The following EIF5A variants were observed in gnomAD, a reference collection of about 807,000 sequenced individuals.
The protein encoded by EIF5A is eukaryotic translation initiation factor 5A, also known as eukaryotic translation initiation factor 5A-1.
In EIF5A, 1 loss-of-function variant was observed where a neutral mutation model predicts 16.6. The observed-to-expected ratio is 0.06, with a 90% CI of 0.02 to 0.28. EIF5A has a LOEUF of 0.28. EIF5A is among the 10% of genes least tolerant of loss of function. The pLI is 1.00. For missense variants in EIF5A, 29 were observed against 196.1 expected (o/e 0.15, Z 5.09); for synonymous variants, 80 against 73.6 (o/e 1.09, Z -0.44).
Position 7,311,874 on chromosome 17 carries a change from G to A in EIF5A, c.*64G>A, listed in dbSNP as rs534047604. 2,658 of 650,526 alleles carry A rather than the reference G, an allele frequency of 4.1e-3. 10 individuals carry two copies. Among genetic ancestry groups the A allele is most frequent in the Non-Finnish European group, 5.6e-3 (2,085 of 370,238 alleles). The allele number at this position is 650,526 out of a possible 1,614,324, so 40.3% of individuals were successfully genotyped here. ...CTGAACCTGCAGAGGCCCCCTCCCC[G>A]AGCCTGGCCTGGCTCTGGCCCGGTC... is the stretch of plus-strand genomic sequence containing the variant. On this transcript the variant is annotated 3_prime_UTR_variant, in exon 6 of 6. Transcript: ENST00000336458.
At chr17:7,310,546 GCTTC>G (rs769266135) in intron 2 of EIF5A, 108 of 1,092,774 alleles carry the variant, frequency 9.9e-5, no homozygotes, top group South Asian at 6.2e-4. Context: ...TGCTCTTCTG[GCTTC>G]CTTATTTTCT....
intron 1 of EIF5A, 82 bp from the exon 2 acceptor site, chr17:7,309,533 A>T: frequency 6.4e-7 from 1 of 1,560,654 alleles, no homozygotes; most frequent in Non-Finnish European, 8.7e-7. Context: ...AGTTGGGAAA[A>T]TGTTTCTGGA....
intron 1 of EIF5A, chr17:7,308,149 G>T (rs1171386847): frequency 2.2e-6 from 2 of 900,242 alleles, no homozygotes; most frequent in South Asian, 3.3e-5. Flanking sequence ...AGGGCATGAT[G>T]GGGGGGGTTG....
intron 1 of EIF5A, chr17:7,308,300 G>A: frequency 8.7e-7 from 1 of 1,143,094 alleles, no homozygotes. Flanking sequence ...GTGGACCGGG[G>A]CCGCATGGCA....
upstream of EIF5A, chr17:7,307,627 C>A: frequency 9.7e-7 from 1 of 1,027,362 alleles, no homozygotes; most frequent in Non-Finnish European, 1.2e-6. Context: ...TCGGCGCCTG[C>A]GTACTAAGAC....
chr17:7,310,795 C>G (rs535913161), intron 2 of EIF5A: 1 of 985,390 alleles, frequency 1.0e-6, no homozygotes, highest in South Asian at 4.7e-5. Flanking sequence ...ATGCAGTTTT[C>G]TATTGTGCTG....
Position 7,308,451 on chromosome 17 carries a change from C to T in EIF5A, c.-22+699C>T, listed in dbSNP as rs369431284. The stretch of plus-strand genomic sequence containing the variant: ...GGCCTGAGATTTTGAGGAGTGGAAG[C>T]CGGAGGCTCGGGTCCTAATCACCCC... On this transcript the variant is annotated intron_variant, in intron 1 of 5. Coordinates refer to ENST00000336458, the MANE Select transcript of EIF5A (RefSeq NM_001970.5). 154 of 1,335,774 alleles carry T rather than the reference C, an allele frequency of 1.2e-4. No individual in the cohort carries two copies. The African/African-American group carries it at 1.7e-3, about 15-fold the overall frequency. 82.7% of individuals were successfully genotyped at this position (1,335,774 alleles called of 1,614,324 possible).
upstream of EIF5A, chr17:7,307,153 G>A: frequency 1.3e-6 from 2 of 1,552,032 alleles, no homozygotes; most frequent in South Asian, 1.2e-5. Context: ...GAGGTGGGGC[G>A]TATCCTGAGA....
chr17:7,307,787 T>G, intron 1 of EIF5A, 35 bp downstream of exon 1: 1 of 973,060 alleles, frequency 1.0e-6, no homozygotes, highest in Non-Finnish European at 1.2e-6. Context: ...CGCGGTACCT[T>G]GGCTTGGGCC....
chr17:7,309,126 GGATGGGGGGGGGCAGTGTAACA>G (rs761190290), intron 1 of EIF5A, among the ~76,000 whole-genome samples: 29 of 150,370 alleles, frequency 1.9e-4, no homozygotes, highest in East Asian at 1.9e-4. Context: ...GTTTGTGTGT[GGATGGGGGGGGGCAGTGTAACA>G]GATGGGTGGG....
At chr17:7,309,846 T>C in intron 2 of EIF5A, 46 bp downstream of exon 2, 1 of 1,614,094 alleles carries the variant, frequency 6.2e-7, no homozygotes. Context: ...GCCTCCAGTA[T>C]CTTTGGCGCT....
chr17:7,307,799 G>A, intron 1 of EIF5A, 47 bp downstream of exon 1: 1 of 990,900 alleles, frequency 1.0e-6, no homozygotes, highest in Non-Finnish European at 1.2e-6. Context: ...GCTTGGGCCC[G>A]GGAGAAGATG....
At chr17:7,307,018 A>G, upstream of EIF5A, 1 of 1,568,420 alleles carries the variant, frequency 6.4e-7, no homozygotes, top group East Asian at 2.3e-5. Flanking sequence ...GCGCGCTAGA[A>G]GAGTGGGGCG....
chr17:7,312,304 GGGAGGGAAGA>G lies in EIF5A; in HGVS notation c.*500_*509del, dbSNP rs1190560934. 1 of 192,500 alleles carries G rather than the reference GGGAGGGAAGA, an allele frequency of 5.2e-6. No homozygotes were observed. Among genetic ancestry groups the G allele is most frequent in the Non-Finnish European group, 1.2e-5 (1 of 82,838 alleles). 11.9% of individuals were successfully genotyped at this position (192,500 alleles called of 1,614,324 possible). A position where few individuals can be genotyped will look rare whatever the true frequency, so the allele number is the denominator to read the frequency against. On this transcript the variant is annotated 3_prime_UTR_variant, in exon 6 of 6. Coordinates refer to ENST00000336458, the MANE Select transcript of EIF5A (RefSeq NM_001970.5). Reference sequence around the variant, plus strand: ...GTCTCTCCCCAAACCCCTTTAGATGGGGAGGGAAGAGGAGGAGAGGGGAGGGGACCTGCCC... The same window carrying G: ...GTCTCTCCCCAAACCCCTTTAGATGGGGAGGAGAGGGGAGGGGACCTGCCC...
chr17:7,307,135 T>C (rs1310862484), upstream of EIF5A: 2 of 1,580,246 alleles, frequency 1.3e-6, no homozygotes, highest in Admixed American at 1.8e-5. Flanking sequence ...TTAAGTCCAG[T>C]TAAAGCCGAG....
chr17:7,309,264 G>A (rs956443745), intron 1 of EIF5A, among the ~76,000 whole-genome samples: 23 of 152,064 alleles, frequency 1.5e-4, no homozygotes, highest in African/African-American at 4.3e-4. Context: ...TGGGGAAGAG[G>A]GGTGGTTGGT....
At chr17:7,310,092 G>A in intron 2 of EIF5A, 1 of 1,394,652 alleles carries the variant, frequency 7.2e-7, no homozygotes, top group Non-Finnish European at 9.5e-7. Flanking sequence ...TAGCTATTCA[G>A]TTGCTCCTTC....
chr17:7,308,463 G>A (rs1263904350), intron 1 of EIF5A: 1 of 1,344,846 alleles, frequency 7.4e-7, no homozygotes, highest in Non-Finnish European at 9.8e-7. Flanking sequence ...GGAGGCTCGG[G>A]TCCTAATCAC....
chr17:7,307,143 G>T (rs1196849963), upstream of EIF5A: 1 of 1,567,482 alleles, frequency 6.4e-7, no homozygotes. Context: ...AGTTAAAGCC[G>T]AGGTGGGGCG....
Sources: allele counts gnomAD v4.1 joint callset (sites outside exome capture counted in the v4.1 genomes callset), GRCh38; gene constraint gnomAD v4.1.1; transcripts MANE v1.5; gene names NCBI Gene and HGNC (gene_info 2026-07-23, HGNC 2026-07-21).